The following ESR2 variants were observed in gnomAD, a reference collection of about 807,000 sequenced individuals.
The protein encoded by ESR2 is estrogen receptor beta.
ESR2 carries 36 observed loss-of-function variants against 49.6 expected under a neutral mutation model. That is an observed-to-expected ratio of 0.73 (90% CI 0.56 to 0.96). The LOEUF is 0.96. Ranked by LOEUF, ESR2 falls within the 40% of genes least tolerant of loss-of-function variation. The probability of loss-of-function intolerance (pLI) is 0.00; values close to 1 mark genes in which losing one functional copy is unlikely to be tolerated. For synonymous variants in ESR2, 320 were observed against 266.1 expected (o/e 1.20, Z -1.97); for missense variants, 714 against 693.0 (o/e 1.03, Z -0.34).
chr14:64,251,684 T>C (rs1296575551), intron 6 of ESR2, among the ~76,000 whole-genome samples: 1 of 152,158 alleles, frequency 6.6e-6, no homozygotes, highest in African/African-American at 2.4e-5. Context: ...GAAAGTTAAT[T>C]TCTAAACAAA....
At chr14:64,310,789 T>C (rs1045502954) in intron 1 of ESR2, among the ~76,000 whole-genome samples, 3 of 152,192 alleles carry the variant, frequency 2.0e-5, no homozygotes, top group African/African-American at 7.2e-5. Context: ...TACAGTACTT[T>C]CCTTTGCTTT....
downstream of ESR2, chr14:64,228,113 G>C: frequency 7.9e-7 from 1 of 1,258,902 alleles, no homozygotes; most frequent in East Asian, 2.9e-5. Flanking sequence ...TTTTTAAGAA[G>C]ATACATTAAA....
intron 6 of ESR2, among the ~76,000 whole-genome samples, chr14:64,252,500 A>C (rs1377713018): frequency 3.9e-5 from 6 of 152,224 alleles, no homozygotes; most frequent in Non-Finnish European, 7.3e-5. Context: ...GCTATAAAGC[A>C]CTATCTGAGA....
chr14:64,244,506 G>A (rs909930510), intron 7 of ESR2, among the ~76,000 whole-genome samples: 1 of 152,118 alleles, frequency 6.6e-6, no homozygotes, highest in Admixed American at 6.5e-5. Context: ...AGAACGAAAT[G>A]GCAGAGGAAG....
At chr14:64,227,824 G>T, downstream of ESR2, 1 of 1,579,408 alleles carries the variant, frequency 6.3e-7, no homozygotes, top group Non-Finnish European at 8.5e-7. Flanking sequence ...GGTAGTCTGG[G>T]TTTTATATCG....
intron 6 of ESR2, among the ~76,000 whole-genome samples, chr14:64,254,584 T>C (rs1334933299): frequency 7.6e-6 from 1 of 131,960 alleles, no homozygotes; most frequent in Non-Finnish European, 1.7e-5. Context: ...CCGTCTCCAC[T>C]AAAAAAAAAA....
chr14:64,236,114 C>G (rs1451105203), intron 7 of ESR2, among the ~76,000 whole-genome samples: 1 of 152,142 alleles, frequency 6.6e-6, no homozygotes, highest in Admixed American at 6.5e-5. Context: ...AGTTTTTGTT[C>G]TCTATTTTTA....
chr14:64,253,784 T>G (rs2076041682), intron 6 of ESR2, among the ~76,000 whole-genome samples: 1 of 152,136 alleles, frequency 6.6e-6, no homozygotes, highest in African/African-American at 2.4e-5. Flanking sequence ...AATGTGAATG[T>G]AAACTCAAGA....
intron 1 of ESR2, among the ~76,000 whole-genome samples, chr14:64,312,330 GA>G (rs1414196246): frequency 6.6e-6 from 1 of 152,098 alleles, no homozygotes; most frequent in East Asian, 1.9e-4. Flanking sequence ...AAAACAAAAT[GA>G]AAAGGAAGAC....
At chr14:64,270,050 C>A (rs962542587) in intron 3 of ESR2, among the ~76,000 whole-genome samples, 12 of 151,950 alleles carry the variant, frequency 7.9e-5, no homozygotes, top group African/African-American at 2.7e-4. Context: ...AGATGAGAAG[C>A]AAAAGTGAAA....
At chr14:64,248,483 G>A (rs2075913798) in intron 7 of ESR2, among the ~76,000 whole-genome samples, 1 of 141,316 alleles carries the variant, frequency 7.1e-6, no homozygotes, top group Non-Finnish European at 1.5e-5. Context: ...TCCAGCCTGG[G>A]CAGCAGAGCA....
chr14:64,245,299 G>A (rs1213694867), intron 7 of ESR2, among the ~76,000 whole-genome samples: 4 of 152,006 alleles, frequency 2.6e-5, no homozygotes, highest in African/African-American at 9.7e-5. Context: ...GGATCACGAG[G>A]TCAGGAGTTC....
chr14:64,233,007 T>TA lies in ESR2; in HGVS notation c.*129dup. The stretch of plus-strand genomic sequence containing the variant: ...GTTGGGAAGGTGGAGGGAAGGATGG[T>TA]ACATGACCAAGCCTGCCATCACCAA... On this transcript the variant is annotated 3_prime_UTR_variant, in exon 9 of 9. Transcript: ENST00000341099. 6.9e-7 allele frequency: 1 copy of TA among 1,452,052 alleles called. No homozygotes were observed. Among genetic ancestry groups the TA allele is most frequent in the Non-Finnish European group, 9.1e-7 (1 of 1,102,818 alleles). The allele number at this position is 1,452,052 out of a possible 1,614,324, so 89.9% of individuals were successfully genotyped here.
At position 64,268,908 on chromosome 14, in the gene ESR2, T is replaced by C; in HGVS notation, c.539A>G (p.His180Arg). 6.3e-7 allele frequency: 1 copy of C among 1,580,128 alleles called. No individual in the cohort carries two copies. ...KAFFKRSIQG[H>R]NDYICPATNQ... Reference sequence around the variant, plus strand: ...TGTAGCTGGACAAATATAATCATTATGTCCTATAGCAGAGTGGGAGGGAAA... The same window carrying C: ...TGTAGCTGGACAAATATAATCATTACGTCCTATAGCAGAGTGGGAGGGAAA... Residue 180 changes from histidine (H) to arginine (R), a missense_variant, in exon 4 of 9, where the codon CAT becomes CGT. Coordinates refer to ENST00000341099, the MANE Select transcript of ESR2 (RefSeq NM_001437.3).
At chr14:64,309,607 C>CAAAAAAAAAAAAAAAAAAAAAAAAAAA (rs545143689) in intron 1 of ESR2, among the ~76,000 whole-genome samples, 1 of 125,904 alleles carries the variant, frequency 7.9e-6, no homozygotes, top group African/African-American at 3.5e-5. Context: ...AACTCCATCT[C>CAAAAAAAAAAAAAAAAAAAAAAAAAAA]AAAAAAAAAA....
At chr14:64,248,505 CAAAAAAAAAAAAAA>C (rs56108535) in intron 7 of ESR2, among the ~76,000 whole-genome samples, 1 of 87,266 alleles carries the variant, frequency 1.1e-5, no homozygotes, top group Non-Finnish European at 2.2e-5. Context: ...GATCCTGTCT[CAAAAAAAAAAAAAA>C]AAAGAAAAAA....
intron 1 of ESR2, among the ~76,000 whole-genome samples, chr14:64,315,181 T>C (rs962397461): frequency 6.8e-6 from 1 of 146,850 alleles, no homozygotes; most frequent in South Asian, 2.2e-4. Flanking sequence ...GAGGTGGAGG[T>C]TGTGGTAAGC....
intron 7 of ESR2, 147 bp downstream of exon 7, chr14:64,249,399 C>T (rs2075939971): frequency 5.9e-6 from 5 of 844,688 alleles, no homozygotes; most frequent in Non-Finnish European, 7.1e-6. Context: ...CAGTTTAAAT[C>T]GCTATCAAAA....
chr14:64,277,436 T>C (rs1057210127), intron 3 of ESR2, among the ~76,000 whole-genome samples: 3 of 151,764 alleles, frequency 2.0e-5, no homozygotes, highest in Non-Finnish European at 4.4e-5. Flanking sequence ...CCATCCTGGC[T>C]AACATGCCGA....
Sources: allele counts gnomAD v4.1 joint callset (sites outside exome capture counted in the v4.1 genomes callset), GRCh38; gene constraint gnomAD v4.1.1; transcripts MANE v1.5; gene names NCBI Gene and HGNC (gene_info 2026-07-23, HGNC 2026-07-21).